Variants in HMCN1 observed in about 807,000 individuals in gnomAD.
The protein encoded by HMCN1 is hemicentin-1.
Under a neutral mutation model 625.9 loss-of-function variants are expected in HMCN1, and 321 were observed. The ratio of observed to expected loss-of-function variants is 0.51; its 90% CI spans 0.47 to 0.56. The LOEUF is 0.56. Among genes scored for constraint, HMCN1 ranks in the 20% least tolerant of loss-of-function variants. HMCN1 has a pLI of 0.00. For synonymous variants in HMCN1, 2,425 were observed against 2,417.6 expected (o/e 1.00, Z -0.09); for missense variants, 6,588 against 6,887.3 (o/e 0.96, Z 1.54).
chr1:185,737,636 A>G (rs1345046127), intron 1 of HMCN1, among the ~76,000 whole-genome samples: 2 of 152,252 alleles, frequency 1.3e-5, no homozygotes, highest in Non-Finnish European at 2.9e-5. Flanking sequence ...TGCCTAACAC[A>G]TATTCCTATG....
At chr1:186,009,185 G>A (rs1054101184) in intron 30 of HMCN1, among the ~76,000 whole-genome samples, 1 of 151,986 alleles carries the variant, frequency 6.6e-6, no homozygotes, top group Non-Finnish European at 1.5e-5. Flanking sequence ...TTGTATTTTT[G>A]CCAGGATCTG....
intron 97 of HMCN1, among the ~76,000 whole-genome samples, chr1:186,163,381 C>G (rs766802734): frequency 2.6e-5 from 4 of 152,236 alleles, no homozygotes; most frequent in African/African-American, 9.6e-5. Context: ...ATGCCTCACC[C>G]TGCTTCGGCT....
chr1:185,885,675 A>T (rs7544887), intron 4 of HMCN1, among the ~76,000 whole-genome samples: 9,660 of 152,036 alleles, frequency 0.064, 1,075 homozygotes, highest in African/African-American at 0.22. Context: ...ACATCACTGT[A>T]TGTCTATAAC....
intron 97 of HMCN1, among the ~76,000 whole-genome samples, chr1:186,156,204 C>T: frequency 6.6e-6 from 1 of 152,012 alleles, no homozygotes; most frequent in East Asian, 1.9e-4. Flanking sequence ...ATTTAACTAA[C>T]TACAGATACA....
intron 86 of HMCN1, among the ~76,000 whole-genome samples, chr1:186,134,755 A>C (rs10798037): frequency 0.47 from 70,955 of 151,980 alleles, 17,921 homozygotes; most frequent in African/African-American, 0.64. Flanking sequence ...ATGCAGCCAC[A>C]ACCTTGAATT....
intron 35 of HMCN1, 47 bp downstream of exon 35, chr1:186,019,742 C>T: frequency 6.7e-7 from 1 of 1,482,926 alleles, no homozygotes; most frequent in Non-Finnish European, 9.3e-7. Context: ...CTACATATAT[C>T]TTCCTGGAAA....
At chr1:185,873,601 A>T (rs577819510) in intron 4 of HMCN1, among the ~76,000 whole-genome samples, 1 of 151,982 alleles carries the variant, frequency 6.6e-6, no homozygotes, top group African/African-American at 2.4e-5. Flanking sequence ...TTCCTTTCAT[A>T]TTTTATATAT....
Position 186,145,789 on chromosome 1 carries a change from A to T in HMCN1, c.14474A>T (p.Gln4825Leu), listed in dbSNP as rs1217578770. 9.3e-6 allele frequency: 15 copies of T among 1,614,178 alleles called. No individual in the cohort carries two copies. Among genetic ancestry groups the T allele is most frequent in the Non-Finnish European group, 1.3e-5 (15 of 1,180,010 alleles). ...TGGGGAAGCTGGCATAGTTGGAGCC[A>T]GTGCTCTGCCTCCTGTGGAGGAGGT... The part of the protein sequence containing the change: ...GSWGSWHSWS[Q>L]CSASCGGGEK... Residue 4825 changes from glutamine to leucine, a missense_variant, in exon 93 of 107, where the codon CAG becomes CTG. Gln to Leu is a moderately radical substitution (Grantham distance 113, BLOSUM62 -2). Around this residue, in one of 3 missense-constraint regions of HMCN1, gnomAD observed 1,954 missense variants for 2,013.1 expected, o/e 0.97. Transcript: ENST00000271588.
intron 102 of HMCN1, among the ~76,000 whole-genome samples, chr1:186,173,881 T>G (rs560733691): frequency 6.1e-4 from 93 of 152,302 alleles, no homozygotes; most frequent in South Asian, 1.4e-3. Context: ...TACCCAATCT[T>G]GGCAACTGAG....
chr1:185,744,366 T>C (rs2102075736), intron 1 of HMCN1, among the ~76,000 whole-genome samples: 1 of 152,276 alleles, frequency 6.6e-6, no homozygotes, highest in East Asian at 1.9e-4. Context: ...CTATAATATA[T>C]ATTCTCATAT....
At position 186,079,511 on chromosome 1, in the gene HMCN1, A is replaced by G. The variant is rs79767613; in HGVS notation, c.8599+1291A>G. ...GAGCCAAGTATGAACTTACACAAACAGGTTATATAACAAGTAGAGTTGTGT... is the reference window on the plus strand; with the variant it reads ...GAGCCAAGTATGAACTTACACAAACGGGTTATATAACAAGTAGAGTTGTGT... On this transcript the variant is annotated intron_variant, in intron 55 of 106. Transcript: ENST00000271588. Among the ~76,000 whole-genome samples, 144 of 152,294 alleles carry G rather than the reference A, an allele frequency of 9.5e-4. 2 individuals are homozygous for G. The East Asian group carries it at 0.022, about 23-fold the overall frequency.
intron 97 of HMCN1, among the ~76,000 whole-genome samples, chr1:186,162,353 CT>C (rs1459087637): frequency 6.6e-6 from 1 of 152,016 alleles, no homozygotes; most frequent in African/African-American, 2.4e-5. Flanking sequence ...ACTTCTTTGC[CT>C]TTGGTTTGAA....
intron 4 of HMCN1, among the ~76,000 whole-genome samples, chr1:185,888,964 T>C (rs1452140382): frequency 6.8e-6 from 1 of 147,506 alleles, no homozygotes; most frequent in Non-Finnish European, 1.5e-5. Flanking sequence ...TTCCATTTGT[T>C]TGTGTCCTCT....
chr1:186,143,624 A>G (rs910705943), intron 89 of HMCN1, among the ~76,000 whole-genome samples: 1 of 152,250 alleles, frequency 6.6e-6, no homozygotes, highest in African/African-American at 2.4e-5. Context: ...AAGTTTTCCA[A>G]AGAATTACAG....
intron 27 of HMCN1, 79 bp downstream of exon 27, chr1:186,001,507 A>G (rs906531951): frequency 1.3e-6 from 2 of 1,593,264 alleles, no homozygotes; most frequent in Non-Finnish European, 1.7e-6. Flanking sequence ...ATTTCTTACT[A>G]CTAATAATAT....
Position 186,015,173 on chromosome 1 carries a change from A to G in HMCN1, c.4645A>G (p.Lys1549Glu). 6.2e-7 allele frequency: 1 copy of G among 1,613,284 alleles called. No individual in the cohort carries two copies. Among genetic ancestry groups the G allele is most frequent in the Non-Finnish European group, 8.5e-7 (1 of 1,179,358 alleles). ...KLTIYIPPSI[K>E]GGNVTTDISV... ...ATCCTTTGTAGTTCCACCTAGTATT[A>G]AAGGAGGAAATGTCACCACAGACAT... Residue 1549 changes from lysine (K) to glutamate (E), a missense_variant, in exon 31 of 107, where the codon AAA becomes GAA. Lys to Glu is a moderately conservative substitution (Grantham distance 56). This residue lies in a region of HMCN1 where 4,628 missense variants were observed against 4,853.1 expected (regional missense o/e 0.95). Transcript: ENST00000271588.
chr1:185,734,776 GAA>G lies in HMCN1; in HGVS notation c.-1_1del, dbSNP rs1230528908. The stretch of plus-strand genomic sequence containing the variant: ...GGGGGAAAAAGAGGGGGAAAAAAAA[GAA>G]AATGATTTCCTGGGAAGTTGTCCAT... On this transcript the variant is annotated 5_prime_UTR_variant, in exon 1 of 107. Transcript: ENST00000271588. The G allele has an allele frequency of 6.2e-7, 1 of 1,614,104 alleles. No homozygotes were observed. The highest frequency in any genetic ancestry group is 1.1e-5 in the South Asian group (1 of 91,082).
intron 1 of HMCN1, among the ~76,000 whole-genome samples, chr1:185,739,772 A>G (rs1472880383): frequency 2.0e-5 from 3 of 152,184 alleles, no homozygotes; most frequent in East Asian, 1.9e-4. Context: ...ATTAAAATAT[A>G]TATGGTATTT....
At chr1:185,815,643 C>T (rs1659800215) in intron 1 of HMCN1, among the ~76,000 whole-genome samples, 1 of 149,410 alleles carries the variant, frequency 6.7e-6, no homozygotes, top group South Asian at 2.1e-4. Flanking sequence ...TTAATATCAA[C>T]ACTAGCAGTT....
Sources: gnomAD v4.1 joint callset for allele counts (sites outside exome capture counted in the v4.1 genomes callset) on GRCh38, gnomAD v4.1.1 for gene constraint, gnomAD v4.1.1 regional missense constraint, MANE v1.5 for transcripts, NCBI Gene and HGNC (gene_info 2026-07-23, HGNC 2026-07-21) for gene names.